Variants in CC2D2B observed in about 807,000 individuals in gnomAD.
The protein encoded by CC2D2B is protein CC2D2B.
Under a neutral mutation model 161.2 loss-of-function variants are expected in CC2D2B, and 128 were observed. The ratio of observed to expected loss-of-function variants is 0.79; its 90% CI spans 0.69 to 0.92. The LOEUF (loss-of-function observed/expected upper bound fraction) is 0.92, where lower values mean the gene tolerates loss of function less well. Among genes scored for constraint, CC2D2B ranks in the 40% least tolerant of loss-of-function variants. The pLI is 0.00. For synonymous variants in CC2D2B, 391 were observed against 449.8 expected (o/e 0.87, Z 1.65); for missense variants, 1,173 against 1,375.1 (o/e 0.85, Z 2.32).
chr10:95,926,844 G>GTT (rs1554828988), intron 5 of CC2D2B, among the ~76,000 whole-genome samples: 1 of 143,522 alleles, frequency 7.0e-6, no homozygotes, highest in Admixed American at 7.1e-5. Flanking sequence ...GTGTGTGTGT[G>GTT]TGTCTGTGTG....
intron 4 of CC2D2B, 50 bp from the exon 5 acceptor site, chr10:95,924,729 G>A: frequency 8.1e-7 from 1 of 1,233,890 alleles, no homozygotes; most frequent in Non-Finnish European, 1.2e-6. Flanking sequence ...AAAGACTTAT[G>A]AGCACAATTA....
At chr10:96,030,944 C>A (rs999316961) in intron 34 of CC2D2B, among the ~76,000 whole-genome samples, 1 of 152,106 alleles carries the variant, frequency 6.6e-6, no homozygotes, top group African/African-American at 2.4e-5. Flanking sequence ...GGCAAGTGAC[C>A]GAATCTCTCT....
chr10:96,015,377 A>G (rs2079152560), intron 29 of CC2D2B, among the ~76,000 whole-genome samples: 1 of 151,536 alleles, frequency 6.6e-6, no homozygotes, highest in African/African-American at 2.4e-5. Context: ...GCGCCTGGCC[A>G]TACACCTCAT....
intron 19 of CC2D2B, 120 bp from the exon 20 acceptor site, chr10:95,988,130 T>C: frequency 2.5e-6 from 1 of 401,974 alleles, no homozygotes; most frequent in African/African-American, 2.1e-5. Context: ...CTTCTGTCAG[T>C]CTCAGAATGT....
chr10:95,993,888 T>TAG (rs1306180382), intron 22 of CC2D2B, among the ~76,000 whole-genome samples: 5 of 99,564 alleles, frequency 5.0e-5, no homozygotes, highest in Admixed American at 1.1e-4. Context: ...TATATATATA[T>TAG]AGAGAGAGAG....
At chr10:95,967,142 G>A (rs2076966788) in intron 14 of CC2D2B, among the ~76,000 whole-genome samples, 1 of 152,138 alleles carries the variant, frequency 6.6e-6, no homozygotes, top group African/African-American at 2.4e-5. Flanking sequence ...AAGGGCAGCA[G>A]ACACAAAGTC....
At chr10:95,912,364 T>TACA (rs1222210542) in intron 2 of CC2D2B, among the ~76,000 whole-genome samples, 1 of 152,216 alleles carries the variant, frequency 6.6e-6, no homozygotes, top group Non-Finnish European at 1.5e-5. Flanking sequence ...TTGTTGATGA[T>TACA]ACAACATTCA....
At position 95,996,123 on chromosome 10, in the gene CC2D2B, A is replaced by G. The variant is rs766705521; in HGVS notation, c.2740-20A>G. 1.8e-4 allele frequency: 216 copies of G among 1,187,748 alleles called. 2 individuals are homozygous for G. In the African/African-American group the frequency reaches 2.9e-3, roughly 16 times the overall value. 73.6% of individuals were successfully genotyped at this position (1,187,748 alleles called of 1,614,324 possible). On this transcript the variant is annotated intron_variant, in intron 23 of 34. Transcript: ENST00000646931. ...TATATAGTATTTCAAAATCTAGTCA[A>G]TGTTTATTATGTGTTTCAGGATACT...
chr10:95,983,796 A>T lies in CC2D2B; in HGVS notation c.2273A>T (p.Asp758Val). 8.2e-7 allele frequency: 1 copy of T among 1,224,374 alleles called. No homozygotes were observed. Among genetic ancestry groups the T allele is most frequent in the Non-Finnish European group, 1.0e-6 (1 of 981,046 alleles). 75.8% of individuals were successfully genotyped at this position (1,224,374 alleles called of 1,614,324 possible). ...QMPLHDTEIP[D>V]LVFQEYESQK... ...CCCCTCCATGATACAGAGATTCCAGATTTAGTCTTCCAGGTATTTGGTTTC... is the reference window on the plus strand; with the variant it reads ...CCCCTCCATGATACAGAGATTCCAGTTTTAGTCTTCCAGGTATTTGGTTTC... Residue 758 changes from aspartate to valine, a missense_variant, in exon 19 of 35, where the codon GAT (aspartate) becomes GTT (valine). By Grantham distance (152) the Asp-to-Val change is radical. This residue lies in a region of CC2D2B where 277 missense variants were observed against 420.6 expected (regional missense o/e 0.66). Transcript: ENST00000646931.
intron 2 of CC2D2B, chr10:95,920,086 G>A (rs1455762646): frequency 1.3e-5 from 2 of 152,082 alleles, no homozygotes; most frequent in African/African-American, 2.4e-5. Flanking sequence ...CCCAGGATGG[G>A]TCTAGAAATG....
Position 96,005,371 on chromosome 10 carries a change from G to T in CC2D2B, c.2946+1123G>T, listed in dbSNP as rs536107449. ...ATCAGACTTGTTTGTGACAATATTG[G>T]CATGCTCTTTAAAAAAGGAAAGGGC... On this transcript the variant is annotated intron_variant, in intron 25 of 34. Coordinates refer to ENST00000646931, the MANE Select transcript of CC2D2B (RefSeq NM_001349008.3). 2.0e-5 allele frequency among the ~76,000 whole-genome samples: 3 copies of T among 151,976 alleles called. No homozygotes were observed. In the East Asian group the frequency reaches 5.8e-4, roughly 29 times the overall value.
chr10:95,994,018 G>A (rs1385840771), intron 22 of CC2D2B, among the ~76,000 whole-genome samples: 1 of 128,668 alleles, frequency 7.8e-6, no homozygotes, highest in Admixed American at 8.3e-5. Flanking sequence ...AGCCCTACGG[G>A]GCTTAGCAGG....
Position 95,951,789 on chromosome 10 carries a change from C to T in CC2D2B, c.1011+1684C>T, listed in dbSNP as rs543223613. 1.2e-3 allele frequency among the ~76,000 whole-genome samples: 189 copies of T among 152,232 alleles called. 5 individuals are homozygous for T. In the South Asian group the frequency reaches 0.038, roughly 31 times the overall value. ...TCTGGGTTTATTTTTCATGTATATG[C>T]ATGGCTCTCTGCATAAAATAAAAAC... On this transcript the variant is annotated intron_variant, in intron 10 of 34. Coordinates refer to ENST00000646931, the MANE Select transcript of CC2D2B (RefSeq NM_001349008.3).
At chr10:95,947,587 C>A (rs1275836601) in intron 9 of CC2D2B, among the ~76,000 whole-genome samples, 1 of 151,806 alleles carries the variant, frequency 6.6e-6, no homozygotes, top group Non-Finnish European at 1.5e-5. Flanking sequence ...ACTAAAAATA[C>A]AAACATTAGC....
intron 17 of CC2D2B, among the ~76,000 whole-genome samples, chr10:95,980,583 G>A (rs566847433): frequency 2.0e-5 from 3 of 152,108 alleles, no homozygotes; most frequent in Non-Finnish European, 4.4e-5. Flanking sequence ...AGGTCCTAGC[G>A]ATCTCTTATG....
At chr10:95,912,576 G>C (rs1298667802) in intron 2 of CC2D2B, among the ~76,000 whole-genome samples, 1 of 152,114 alleles carries the variant, frequency 6.6e-6, no homozygotes, top group Non-Finnish European at 1.5e-5. Flanking sequence ...AGAGGGCAAG[G>C]ATATATAAAG....
chr10:95,989,980 T>A (rs2077886436), intron 20 of CC2D2B, among the ~76,000 whole-genome samples: 1 of 152,220 alleles, frequency 6.6e-6, no homozygotes. Flanking sequence ...GAGTCAGTGA[T>A]GGCTGAGGCC....
chr10:95,957,094 C>A (rs1181377434), intron 11 of CC2D2B, among the ~76,000 whole-genome samples: 2 of 152,098 alleles, frequency 1.3e-5, no homozygotes, highest in Non-Finnish European at 1.5e-5. Context: ...TATCCCCCCA[C>A]CCCTGCCCCT....
chr10:96,006,934 T>C (rs2078774561), intron 25 of CC2D2B, among the ~76,000 whole-genome samples: 1 of 152,170 alleles, frequency 6.6e-6, no homozygotes, highest in Admixed American at 6.5e-5. Flanking sequence ...TCCTTAAAGG[T>C]TGCTTCATAT....
Sources: gnomAD v4.1 joint callset for allele counts (sites outside exome capture counted in the v4.1 genomes callset) on GRCh38, gnomAD v4.1.1 for gene constraint, gnomAD v4.1.1 regional missense constraint, MANE v1.5 for transcripts, NCBI Gene and HGNC (gene_info 2026-07-23, HGNC 2026-07-21) for gene names.